The following AFG1L variants were observed in gnomAD, a reference collection of about 807,000 sequenced individuals.
The protein encoded by AFG1L is AFG1-like ATPase.
In AFG1L, 53 loss-of-function variants were observed where a neutral mutation model predicts 62.2. The observed-to-expected ratio is 0.85, with a 90% CI of 0.68 to 1.07. AFG1L has a LOEUF of 1.07. AFG1L is among the 50% of genes least tolerant of loss of function. AFG1L has a pLI of 0.00. For synonymous variants in AFG1L, 228 were observed against 210.3 expected (o/e 1.08, Z -0.73); for missense variants, 555 against 590.5 (o/e 0.94, Z 0.62).
intron 1 of AFG1L, among the ~76,000 whole-genome samples, chr6:108,319,979 T>G (rs1451807568): frequency 6.6e-6 from 1 of 152,098 alleles, no homozygotes; most frequent in African/African-American, 2.4e-5. Flanking sequence ...AGGGTGGGAC[T>G]TTGTGCCCCC....
At chr6:108,497,234 G>A (rs968134708) in intron 10 of AFG1L, among the ~76,000 whole-genome samples, 14 of 151,792 alleles carry the variant, frequency 9.2e-5, no homozygotes, top group Admixed American at 7.2e-4. Flanking sequence ...CATGTTTGCC[G>A]GCATCAAATT....
At position 108,524,701 on chromosome 6, in the gene AFG1L, C is replaced by T. The variant is rs1444396673; in HGVS notation, c.*2276C>T. On this transcript the variant is annotated 3_prime_UTR_variant, in exon 13 of 13. Coordinates refer to ENST00000368977, the MANE Select transcript of AFG1L (RefSeq NM_145315.5). The stretch of plus-strand genomic sequence containing the variant: ...GGGATTGGCTGCAGTGGAAGAGGCT[C>T]TTTGAGCTGGGAGAAGGGTTTATGC... 6.6e-6 allele frequency: 1 copy of T among 152,164 alleles called. No individual in the cohort carries two copies. The highest frequency in any genetic ancestry group is 1.5e-5 in the Non-Finnish European group (1 of 68,046). The allele number at this position is 152,164 out of a possible 1,614,324, so 9.4% of individuals were successfully genotyped here.
intron 2 of AFG1L, among the ~76,000 whole-genome samples, chr6:108,335,337 C>T (rs1435706350): frequency 2.0e-5 from 3 of 152,106 alleles, no homozygotes; most frequent in African/African-American, 7.3e-5. Flanking sequence ...AGTAGGTGCT[C>T]AATACTCAAT....
intron 8 of AFG1L, among the ~76,000 whole-genome samples, chr6:108,474,871 G>C (rs559028052): frequency 1.3e-5 from 2 of 152,198 alleles, no homozygotes; most frequent in African/African-American, 4.8e-5. Context: ...TTCTTTTGCT[G>C]TGCAGAAGCT....
At chr6:108,318,277 C>T (rs755757546) in intron 1 of AFG1L, 15 of 310,566 alleles carry the variant, frequency 4.8e-5, no homozygotes, top group Non-Finnish European at 8.2e-5. Flanking sequence ...GGCTAAAACA[C>T]AAAGAAGACT....
chr6:108,365,971 A>C (rs538378992), intron 5 of AFG1L, among the ~76,000 whole-genome samples: 3 of 152,188 alleles, frequency 2.0e-5, no homozygotes, highest in African/African-American at 7.2e-5. Flanking sequence ...TATGCTTTCC[A>C]CCTGTAGTTC....
At chr6:108,297,618 C>T in intron 1 of AFG1L, among the ~76,000 whole-genome samples, 1 of 151,488 alleles carries the variant, frequency 6.6e-6, no homozygotes. Flanking sequence ...ACTTTGGAAG[C>T]CTGAGGGAGT....
At position 108,511,210 on chromosome 6, in the gene AFG1L, G is replaced by A. The variant is rs186218343; in HGVS notation, c.1203+858G>A. On this transcript the variant is annotated intron_variant, in intron 11 of 12. Transcript: ENST00000368977. ...GAAGGAGAAGGAGGAGAAGGAGAAG[G>A]AGAAGAAAACAAATGAGTGAATGAC... Among the ~76,000 whole-genome samples, 255 of 152,018 alleles carry A rather than the reference G, an allele frequency of 1.7e-3. 2 individuals are homozygous for A. The highest frequency in any genetic ancestry group is 5.5e-3 in the African/African-American group (227 of 41,488).
chr6:108,482,412 C>G (rs1457465379), intron 10 of AFG1L, among the ~76,000 whole-genome samples: 1 of 152,132 alleles, frequency 6.6e-6, no homozygotes, highest in Non-Finnish European at 1.5e-5. Flanking sequence ...AATCAAGACT[C>G]TAGTACAGAG....
At chr6:108,434,321 C>T (rs754915830) in intron 7 of AFG1L, among the ~76,000 whole-genome samples, 1 of 152,114 alleles carries the variant, frequency 6.6e-6, no homozygotes, top group Non-Finnish European at 1.5e-5. Flanking sequence ...CTAGAGAAGT[C>T]CCAAGATCCT....
chr6:108,351,576 C>G (rs570555672), intron 3 of AFG1L, among the ~76,000 whole-genome samples: 1 of 152,192 alleles, frequency 6.6e-6, no homozygotes, highest in Admixed American at 6.5e-5. Context: ...TGCCTCCTTG[C>G]ACCAGCTAGG....
intron 8 of AFG1L, among the ~76,000 whole-genome samples, chr6:108,459,200 C>T (rs1772363874): frequency 6.6e-6 from 1 of 152,162 alleles, no homozygotes; most frequent in Non-Finnish European, 1.5e-5. Context: ...CTCAGGGAAG[C>T]CCTCTGCAGA....
intron 7 of AFG1L, among the ~76,000 whole-genome samples, chr6:108,436,942 A>G (rs1771338648): frequency 1.3e-5 from 2 of 152,318 alleles, no homozygotes; most frequent in South Asian, 4.2e-4. Context: ...CCAGGCTGAG[A>G]AATCTAAGAT....
intron 5 of AFG1L, among the ~76,000 whole-genome samples, chr6:108,357,704 T>C (rs1027783686): frequency 2.0e-5 from 3 of 152,236 alleles, no homozygotes; most frequent in South Asian, 2.1e-4. Context: ...AGTTGAACTT[T>C]TAAAGTTTCT....
At chr6:108,490,845 C>T (rs1773748485) in intron 10 of AFG1L, among the ~76,000 whole-genome samples, 1 of 152,150 alleles carries the variant, frequency 6.6e-6, no homozygotes, top group Non-Finnish European at 1.5e-5. Context: ...GTTGAAAACC[C>T]ACCTTCTCTA....
At chr6:108,518,950 C>A (rs542315900) in intron 11 of AFG1L, among the ~76,000 whole-genome samples, 1 of 152,312 alleles carries the variant, frequency 6.6e-6, no homozygotes, top group South Asian at 2.1e-4. Context: ...GGTGCACAGA[C>A]CAGCTCCAAA....
intron 1 of AFG1L, among the ~76,000 whole-genome samples, chr6:108,304,634 A>G (rs1480520850): frequency 6.6e-6 from 1 of 152,246 alleles, no homozygotes; most frequent in Admixed American, 6.5e-5. Flanking sequence ...CTTTAGAAAT[A>G]TTAAAGTGCT....
At chr6:108,464,310 A>G (rs997327147) in intron 8 of AFG1L, among the ~76,000 whole-genome samples, 6 of 152,218 alleles carry the variant, frequency 3.9e-5, no homozygotes, top group Non-Finnish European at 7.3e-5. Context: ...CAGCAATAAT[A>G]AGGTCTTTTT....
At chr6:108,405,709 G>A (rs1391183586) in intron 7 of AFG1L, among the ~76,000 whole-genome samples, 2 of 152,100 alleles carry the variant, frequency 1.3e-5, no homozygotes, top group Admixed American at 6.6e-5. Flanking sequence ...TGTTGTACAA[G>A]CACCACCATG....
Sources: allele counts gnomAD v4.1 joint callset (sites outside exome capture counted in the v4.1 genomes callset), GRCh38; gene constraint gnomAD v4.1.1; transcripts MANE v1.5; gene names NCBI Gene and HGNC (gene_info 2026-07-23, HGNC 2026-07-21).